COX17: variants seen among roughly 807,000 people sequenced by gnomAD.
COX17 encodes cytochrome c oxidase copper chaperone.
In COX17, 1 loss-of-function variant was observed where a neutral mutation model predicts 6.3. That is an observed-to-expected ratio of 0.16 (90% CI 0.06 to 0.75). The LOEUF (loss-of-function observed/expected upper bound fraction) is 0.75. Ranked by LOEUF, COX17 falls within the 30% of genes least tolerant of loss-of-function variation. The pLI is 0.77. For missense variants in COX17, 73 were observed against 81.2 expected (o/e 0.90, Z 0.39); for synonymous variants, 26 against 30.5 (o/e 0.85, Z 0.49).
intron 2 of COX17, among the ~76,000 whole-genome samples, chr3:119,673,286 G>A (rs1183826063): frequency 1.3e-5 from 2 of 152,088 alleles, no homozygotes; most frequent in African/African-American, 4.8e-5. Flanking sequence ...TATGAGCCAG[G>A]CACTGTTATA....
At chr3:119,676,120 T>G (rs2053096388) in intron 1 of COX17, among the ~76,000 whole-genome samples, 1 of 152,228 alleles carries the variant, frequency 6.6e-6, no homozygotes, top group Admixed American at 6.5e-5. Context: ...GAGTTTCTTT[T>G]ATTAGAGTCA....
At chr3:119,677,101 GAGGGCAGAAGGCAGAGGGCAGAGGCCGT>G in intron 1 of COX17, 75 bp downstream of exon 1, 1 of 860,312 alleles carries the variant, frequency 1.2e-6, no homozygotes, top group Non-Finnish European at 1.9e-6. Flanking sequence ...GCAGAGGGCA[GAGGGCAGAAGGCAGAGGGCAGAGGCCGT>G]AGGGCAGAGG....
chr3:119,676,142 CAT>C (rs1009261349), intron 1 of COX17, among the ~76,000 whole-genome samples: 1 of 152,206 alleles, frequency 6.6e-6, no homozygotes, highest in African/African-American at 2.4e-5. Context: ...TTTACAGACA[CAT>C]GAGGCTCAAG....
At chr3:119,670,157 A>T (rs2053030064) in intron 2 of COX17, among the ~76,000 whole-genome samples, 1 of 152,172 alleles carries the variant, frequency 6.6e-6, no homozygotes, top group Non-Finnish European at 1.5e-5. Context: ...AGGCAAGACA[A>T]GGGCAACCCT....
rs2053035258 is a variant in COX17 at position 119,670,752 on chromosome 3, T to TGTGTGTGTGTG, written c.*5-1088_*5-1087insCACACACACAC. 2.7e-5 allele frequency among the ~76,000 whole-genome samples: 4 copies of TGTGTGTGTGTG among 149,716 alleles called. No homozygotes were observed. The South Asian group carries it at 8.4e-4, about 32-fold the overall frequency. The stretch of plus-strand genomic sequence containing the variant: ...GGGATATTTTCATACATGATCAGTT[T>TGTGTGTGTGTG]TGTGTGTGTGTGTGTGTGTGTGTGT... On this transcript the variant is annotated intron_variant, in intron 2 of 2. Coordinates refer to ENST00000261070, the MANE Select transcript of COX17 (RefSeq NM_005694.2).
intron 1 of COX17, among the ~76,000 whole-genome samples, chr3:119,676,368 T>A (rs2053099453): frequency 6.6e-6 from 1 of 152,220 alleles, no homozygotes; most frequent in Non-Finnish European, 1.5e-5. Flanking sequence ...ATTATACCAC[T>A]AATGATTTCT....
At chr3:119,673,711 G>A (rs926116241) in intron 2 of COX17, among the ~76,000 whole-genome samples, 1 of 152,174 alleles carries the variant, frequency 6.6e-6, no homozygotes, top group Non-Finnish European at 1.5e-5. Flanking sequence ...GGGGTGAGGG[G>A]GTGAGCTAAG....
Position 119,664,406 on chromosome 3 carries a change from A to G in COX17, c.*68+2513T>C, listed in dbSNP as rs34605342. On this transcript the variant is annotated intron_variant and NMD_transcript_variant, in intron 3 of 3. Coordinates refer to the COX17 transcript ENST00000468918. ...AAACATCACAGGGAAGGTGACTTTT[A>G]ATCTGGTCTAAAAAGATGAGTAGGT... Among the ~76,000 whole-genome samples the G allele has an allele frequency of 4.0e-3, 611 of 152,324 alleles. 4 individuals are homozygous for G. Among genetic ancestry groups the G allele is most frequent in the Non-Finnish European group, 6.3e-3 (428 of 68,030 alleles).
downstream of COX17, among the ~76,000 whole-genome samples, chr3:119,668,335 C>T (rs1484136607): frequency 1.3e-5 from 2 of 152,062 alleles, no homozygotes; most frequent in East Asian, 1.9e-4. Flanking sequence ...TTGGTTCATA[C>T]CTGTCTTAAT....
rs116800046 is a variant in COX17, at chr3:119,675,088, A to G, written c.*4+57T>C. The G allele has an allele frequency of 3.2e-4, 383 of 1,190,094 alleles. 3 individuals are homozygous for G. In the African/African-American group the frequency reaches 5.1e-3, roughly 16 times the overall value. 73.7% of individuals were successfully genotyped at this position (1,190,094 alleles called of 1,614,324 possible). On this transcript the variant is annotated intron_variant, in intron 2 of 2. Transcript: ENST00000261070. ...GTGAACTACCTTTCAGAGAGAATGT[A>G]GCCCAATTGTTGCTAAATCTGTAAA...
downstream of COX17, chr3:119,669,250 T>TAAAAAAAA (rs58241792): frequency 3.5e-4 from 49 of 141,932 alleles, no homozygotes; most frequent in Non-Finnish European, 5.8e-4. Context: ...TTAAGAAAGT[T>TAAAAAAAA]AAAAAAAAAA....
At chr3:119,669,874 TATTA>T (rs370277709) in intron 2 of COX17, among the ~76,000 whole-genome samples, 79 of 152,326 alleles carry the variant, frequency 5.2e-4, no homozygotes, top group East Asian at 4.8e-3. Context: ...TTATTCATGA[TATTA>T]TTTACTCTTT....
chr3:119,673,001 A>G (rs952764354), intron 2 of COX17, among the ~76,000 whole-genome samples: 1 of 152,206 alleles, frequency 6.6e-6, no homozygotes, highest in African/African-American at 2.4e-5. Flanking sequence ...GTGAAATTCC[A>G]AAGAGGCAGG....
At chr3:119,677,025 G>GGGC (rs1281562369) in intron 1 of COX17, 179 bp downstream of exon 1, 1,163 of 16,786 alleles carry the variant, frequency 0.069, 7 homozygotes, top group South Asian at 0.27. Context: ...GGGCGGGGCG[G>GGGC]GGGGGGGGGG....
chr3:119,667,661 A>G (rs1159645691), downstream of COX17, among the ~76,000 whole-genome samples: 1 of 59,484 alleles, frequency 1.7e-5, no homozygotes, highest in Non-Finnish European at 4.0e-5. Flanking sequence ...CAGAGTAGCC[A>G]AAAAAAAAAA....
In COX17 at chr3:119,676,669, G is replaced by A. The variant is rs1422298318; in HGVS notation, c.107+535C>T. 1.2e-5 allele frequency: 7 copies of A among 575,910 alleles called. No individual in the cohort carries two copies. In the African/African-American group the frequency reaches 1.3e-4, roughly 11 times the overall value. The allele number at this position is 575,910 out of a possible 1,614,324, so 35.7% of individuals were successfully genotyped here. A position where few individuals can be genotyped will look rare whatever the true frequency, so the allele number is the denominator to read the frequency against. On this transcript the variant is annotated intron_variant, in intron 1 of 2. Transcript: ENST00000261070. The stretch of plus-strand genomic sequence containing the variant: ...TACTGTCTCTAAATTTTGGGAGAAA[G>A]CCTTAGAAATTACCAGAAAACCTTT...
chr3:119,674,766 A>C (rs548782384), intron 2 of COX17: 2 of 169,392 alleles, frequency 1.2e-5, no homozygotes, highest in East Asian at 3.3e-4. Flanking sequence ...ACTTCACCCC[A>C]GCCTGGGTAA....
intron 2 of COX17, among the ~76,000 whole-genome samples, chr3:119,672,454 C>T (rs1474270425): frequency 6.6e-6 from 1 of 152,110 alleles, no homozygotes; most frequent in African/African-American, 2.4e-5. Flanking sequence ...CTAAAATTAG[C>T]ATTTCTTTTT....
rs553331091 is a variant in COX17, at chr3:119,677,023, CGGGGGGG to C, written c.107+174_107+180del. 5.3e-5 allele frequency: 18 copies of C among 336,580 alleles called. 1 individual carries two copies. Among genetic ancestry groups the C allele is most frequent in the Non-Finnish European group, 8.9e-5 (18 of 201,606 alleles). The allele number at this position is 336,580 out of a possible 1,614,324, so 20.8% of individuals were successfully genotyped here. On this transcript the variant is annotated intron_variant, in intron 1 of 2. Transcript: ENST00000261070. Reference sequence around the variant, plus strand: ...CGCAATGGGGCGGGGCGGGGCGGGGCGGGGGGGGGGGGCAGACAGGGAGGAGGAGTGG... The same window carrying C: ...CGCAATGGGGCGGGGCGGGGCGGGGCGGGGGCAGACAGGGAGGAGGAGTGG...
Sources: allele counts gnomAD v4.1 joint callset (sites outside exome capture counted in the v4.1 genomes callset), GRCh38; gene constraint gnomAD v4.1.1; transcripts MANE v1.5; gene names NCBI Gene and HGNC (gene_info 2026-07-23, HGNC 2026-07-21).